Variants in PTGES observed in about 807,000 individuals in gnomAD.
The protein encoded by PTGES is prostaglandin E synthase, also known as MGST1-like 1.
PTGES carries 3 observed loss-of-function variants against 11.8 expected under a neutral mutation model. That is an observed-to-expected ratio of 0.25 (90% CI 0.12 to 0.66). The LOEUF is 0.66. PTGES is among the 30% of genes least tolerant of loss of function. The probability of loss-of-function intolerance (pLI) is 0.82; values close to 1 mark genes in which losing one functional copy is unlikely to be tolerated. For missense variants in PTGES, 180 were observed against 213.0 expected, an observed-to-expected ratio of 0.85 and a Z score of 0.96; for synonymous variants, 94 against 90.4, an observed-to-expected ratio of 1.04 and a Z score of -0.22.
At chr9:129,750,051 C>T (rs1471645470) in intron 1 of PTGES, among the ~76,000 whole-genome samples, 1 of 152,156 alleles carries the variant, frequency 6.6e-6, no homozygotes, top group Non-Finnish European at 1.5e-5. Context: ...GGAGAAGCCG[C>T]TAGGACAATG....
In PTGES at chr9:129,752,923, C is replaced by T. The variant is rs150823573; in HGVS notation, c.90G>A (p.Val30=). The T allele has an allele frequency of 1.2e-6, 2 of 1,613,684 alleles. No homozygotes were observed. The highest frequency in any genetic ancestry group is 2.7e-5 in the African/African-American group (2 of 74,948). Residue 30 remains valine, a synonymous_variant, in exon 1 of 3, where the codon GTG becomes GTA. Coordinates refer to ENST00000340607, the MANE Select transcript of PTGES (RefSeq NM_004878.5). ...GCCTCACTTGGCCCGTGATGATGGC[C>T]ACCACGTACATCTTGATGACCAGCA... ...STLLVIKMYV[V]AIITGQVRLR...
At chr9:129,741,281 C>T (rs1832991735) in intron 2 of PTGES, among the ~76,000 whole-genome samples, 1 of 152,122 alleles carries the variant, frequency 6.6e-6, no homozygotes, top group Non-Finnish European at 1.5e-5. Flanking sequence ...GAAAGGTGAG[C>T]CCATGGCTAC....
intron 1 of PTGES, among the ~76,000 whole-genome samples, chr9:129,750,772 G>T (rs1355111318): frequency 6.6e-6 from 1 of 152,250 alleles, no homozygotes; most frequent in Non-Finnish European, 1.5e-5. Context: ...CCCGTTTACA[G>T]GTGAGGACAC....
chr9:129,748,359 G>C (rs901174338), intron 2 of PTGES, among the ~76,000 whole-genome samples: 3 of 152,196 alleles, frequency 2.0e-5, no homozygotes, highest in Non-Finnish European at 4.4e-5. Flanking sequence ...TGGCAGGAGT[G>C]TTTGCCCCTG....
chr9:129,750,428 C>T (rs1387471204), intron 1 of PTGES, among the ~76,000 whole-genome samples: 3 of 152,286 alleles, frequency 2.0e-5, no homozygotes, highest in Middle Eastern at 3.4e-3. Context: ...TCACCAACAC[C>T]GAAGGCTCTG....
chr9:129,750,368 T>C (rs1247220676), intron 1 of PTGES, among the ~76,000 whole-genome samples: 3 of 152,336 alleles, frequency 2.0e-5, no homozygotes, highest in African/African-American at 4.8e-5. Flanking sequence ...TCTTCGAGAT[T>C]GGAACCTTCA....
chr9:129,748,215 TAAAAAA>T (rs67000610), intron 2 of PTGES, among the ~76,000 whole-genome samples: 2 of 71,030 alleles, frequency 2.8e-5, no homozygotes, highest in African/African-American at 5.8e-5. Flanking sequence ...GTTGCCATAT[TAAAAAA>T]AAAAAAAAAA....
intron 2 of PTGES, among the ~76,000 whole-genome samples, chr9:129,746,261 C>G (rs1020133593): frequency 6.6e-6 from 1 of 152,102 alleles, no homozygotes; most frequent in Non-Finnish European, 1.5e-5. Context: ...GAGCTGGCCC[C>G]GGGCAACCCA....
chr9:129,740,531 C>T (rs1832985367), intron 2 of PTGES, among the ~76,000 whole-genome samples: 1 of 152,210 alleles, frequency 6.6e-6, no homozygotes, highest in Non-Finnish European at 1.5e-5. Flanking sequence ...CGATGGCCAG[C>T]CCCCGGTGAA....
At chr9:129,750,585 A>T (rs927439712) in intron 1 of PTGES, among the ~76,000 whole-genome samples, 1 of 152,232 alleles carries the variant, frequency 6.6e-6, no homozygotes, top group African/African-American at 2.4e-5. Flanking sequence ...GCAGGCCAGG[A>T]AGCCCCCAGT....
chr9:129,745,841 C>T lies in PTGES; in HGVS notation c.209+2814G>A, dbSNP rs970651504. Among the ~76,000 whole-genome samples the T allele has an allele frequency of 6.6e-6, 1 of 151,906 alleles. No individual in the cohort carries two copies. The highest frequency in any genetic ancestry group is 2.4e-5 in the African/African-American group (1 of 41,348). ...GGTCAGGAGTTTGAGACCAGCCTGG[C>T]CAACATGGTGAAACTCTGTCTCTAC... On this transcript the variant is annotated intron_variant, in intron 2 of 2. Coordinates refer to ENST00000340607, the MANE Select transcript of PTGES (RefSeq NM_004878.5). The surrounding 1 kb of genome is among the most constrained non-coding windows in gnomAD (Gnocchi z 4.2).
intron 1 of PTGES, among the ~76,000 whole-genome samples, chr9:129,750,335 C>T (rs761501423): frequency 6.6e-6 from 1 of 152,214 alleles, no homozygotes; most frequent in African/African-American, 2.4e-5. Context: ...CCTGCCCTAC[C>T]CCAGAGGAGA....
chr9:129,746,337 A>G (rs55817850), intron 2 of PTGES, among the ~76,000 whole-genome samples: 523 of 152,252 alleles, frequency 3.4e-3, no homozygotes, highest in African/African-American at 0.012. Context: ...GAGGGCCGCC[A>G]CAGCTGGGGA....
chr9:129,749,210 A>G (rs534258091), intron 1 of PTGES, among the ~76,000 whole-genome samples: 2 of 149,224 alleles, frequency 1.3e-5, no homozygotes, highest in East Asian at 2.0e-4. Flanking sequence ...TGGGCAACAT[A>G]GCAAGACCCC....
At chr9:129,752,716 C>A (rs552383434) in intron 1 of PTGES, among the ~76,000 whole-genome samples, 171 bp downstream of exon 1, 101 of 152,372 alleles carry the variant, frequency 6.6e-4, no homozygotes, top group Middle Eastern at 3.4e-3. Flanking sequence ...AAGGTGCAGG[C>A]CTTGCTGACA....
chr9:129,752,269 A>G (rs972195411), intron 1 of PTGES, among the ~76,000 whole-genome samples: 3 of 152,226 alleles, frequency 2.0e-5, no homozygotes, highest in Non-Finnish European at 4.4e-5. Flanking sequence ...AGCTCAGCCT[A>G]TGACTTTGCA....
Position 129,752,928 on chromosome 9 carries a change from C to A in PTGES, c.85G>T (p.Val29Leu). ...ACTTGGCCCGTGATGATGGCCACCA[C>A]GTACATCTTGATGACCAGCAGCGTG... Reference protein sequence around the residue: ...CSTLLVIKMYVVAIITGQVRL... With the variant: ...CSTLLVIKMYLVAIITGQVRL... The change falls in exon 1 of 3, where the codon GTG becomes TTG. Residue 29 changes from valine (V) to leucine (L), a missense_variant. Coordinates refer to ENST00000340607, the MANE Select transcript of PTGES (RefSeq NM_004878.5). 6.2e-7 allele frequency: 1 copy of A among 1,613,734 alleles called. No individual in the cohort carries two copies. Among genetic ancestry groups the A allele is most frequent in the Non-Finnish European group, 8.5e-7 (1 of 1,180,048 alleles).
rs1479037617 is a variant in PTGES, at chr9:129,745,571, G to A, written c.209+3084C>T. ...GGTTCTGTGAAATCAGGTGGCAGAG[G>A]AGGGGCCCAGGGGACCCAGGCACTC... On this transcript the variant is annotated intron_variant, in intron 2 of 2. Transcript: ENST00000340607. The surrounding 1 kb of genome is among the most constrained non-coding windows in gnomAD (Gnocchi z 4.2). Among the ~76,000 whole-genome samples, 1 of 152,202 alleles carries A rather than the reference G, an allele frequency of 6.6e-6. No individual in the cohort carries two copies. Among genetic ancestry groups the A allele is most frequent in the Non-Finnish European group, 1.5e-5 (1 of 68,038 alleles).
Position 129,739,745 on chromosome 9 carries a change from C to A in PTGES, c.325G>T (p.Gly109Cys). 1.3e-6 allele frequency: 2 copies of A among 1,581,670 alleles called. No individual in the cohort carries two copies. Among genetic ancestry groups the A allele is most frequent in the Non-Finnish European group, 1.7e-6 (2 of 1,163,606 alleles). ...TAGGCCACGGTGTGTGCCACACGGC[C>A]CACGAGGAAGACCAGGAAGTGCATC... Reference protein sequence around the residue: ...AWMHFLVFLVGRVAHTVAYLG... With the variant: ...AWMHFLVFLVCRVAHTVAYLG... The change falls in exon 3 of 3, where the codon GGC becomes TGC. Residue 109 changes from glycine to cysteine, a missense_variant. Transcript: ENST00000340607. This position sits in a 1 kb window ranked among gnomAD's most constrained non-coding sequence, Gnocchi z 5.7.
Sources: gnomAD v4.1 joint callset for allele counts (sites outside exome capture counted in the v4.1 genomes callset) on GRCh38, gnomAD v4.1.1 for gene constraint, Gnocchi (gnomAD v3.1) non-coding constraint, MANE v1.5 for transcripts, NCBI Gene and HGNC (gene_info 2026-07-23, HGNC 2026-07-21) for gene names.